Variants in NUDT11 observed in about 807,000 individuals in gnomAD.
NUDT11 encodes the protein diphosphoinositol polyphosphate phosphohydrolase 3-beta.
NUDT11 carries 1 observed loss-of-function variant against 10.0 expected under a neutral mutation model. The observed-to-expected ratio is 0.10, with a 90% CI of 0.04 to 0.47. NUDT11 has a LOEUF of 0.47. NUDT11 is among the 20% of genes least tolerant of loss of function. NUDT11 has a pLI of 0.96. For synonymous variants in NUDT11, 63 were observed against 65.9 expected, an observed-to-expected ratio of 0.96 and a Z score of 0.21; for missense variants, 47 against 140.4, an observed-to-expected ratio of 0.33 and a Z score of 3.36.
At chrX:51,493,933 A>G (rs1557326411) in intron 1 of NUDT11, among the ~76,000 whole-genome samples, 1 of 111,911 alleles carries the variant, frequency 8.9e-6, no homozygotes, top group Non-Finnish European at 1.9e-5. Flanking sequence ...TAATCGTGAC[A>G]GTGTTTCATG....
Position 51,496,591 on chromosome X carries a change from C to T in NUDT11, c.-147G>A. ...GGCGGGGAAAGAGAGGCGCCTCCGT[C>T]TGCCCGCGAGCCCGGGGAGCGGAGG... On this transcript the variant is annotated 5_prime_UTR_variant, in exon 1 of 2. Coordinates refer to ENST00000375992, the MANE Select transcript of NUDT11 (RefSeq NM_018159.4). The T allele has an allele frequency of 4.0e-6, 4 of 1,006,207 alleles. No homozygotes were observed. Among genetic ancestry groups the T allele is most frequent in the Non-Finnish European group, 3.9e-6 (3 of 760,011 alleles). 82.9% of individuals were successfully genotyped at this position (1,006,207 alleles called of 1,213,427 possible). A position where few individuals can be genotyped will look rare whatever the true frequency, so the allele number is the denominator to read the frequency against.
intron 1 of NUDT11, among the ~76,000 whole-genome samples, chrX:51,494,718 G>A (rs1281310150): frequency 2.7e-5 from 3 of 111,376 alleles, no homozygotes; most frequent in Non-Finnish European, 5.7e-5. Context: ...TGGATTACAG[G>A]CAACGTTAAG....
chrX:51,491,823 C>T (rs1260777648), intron 1 of NUDT11, 74 bp from the exon 2 acceptor site: 1 of 566,554 alleles, frequency 1.8e-6, no homozygotes, highest in African/African-American at 2.2e-5. Flanking sequence ...GTACCAAGAG[C>T]TTATTATGTA....
chrX:51,495,859 A>G, intron 1 of NUDT11, 92 bp downstream of exon 1: 6 of 1,136,853 alleles, frequency 5.3e-6, no homozygotes, highest in Non-Finnish European at 7.0e-6. Flanking sequence ...CCTCCCCGTG[A>G]GACCGCACAT....
chrX:51,491,716 T>C lies in NUDT11; in HGVS notation c.*33A>G, dbSNP rs1174917851. 3.5e-6 allele frequency: 2 copies of C among 570,868 alleles called. No homozygotes were observed. Among genetic ancestry groups the C allele is most frequent in the Non-Finnish European group, 6.5e-6 (2 of 309,447 alleles). 47.0% of individuals were successfully genotyped at this position (570,868 alleles called of 1,213,427 possible). A position where few individuals can be genotyped will look rare whatever the true frequency, so the allele number is the denominator to read the frequency against. On this transcript the variant is annotated 3_prime_UTR_variant, in exon 2 of 2. Coordinates refer to ENST00000375992, the MANE Select transcript of NUDT11 (RefSeq NM_018159.4). ...ATCACTGGGTTCACATCAATGTTTC[T>C]TTCAGCACAATACTGAACATCTTTG...
At position 51,496,176 on chromosome X, in the gene NUDT11, T is replaced by C. The variant is rs1557326647; in HGVS notation, c.269A>G (p.Lys90Arg). The C allele has an allele frequency of 5.0e-6, 6 of 1,211,821 alleles. No homozygotes were observed. The Admixed American group carries it at 1.1e-4, about 22-fold the overall frequency. ...CAGTACATACACGTACGTTCTGTGC[T>C]TGCGATCCTGGTTCTGTTCGAAGAC... ...LGVFEQNQDR[K>R]HRTYVYVLTV... The change falls in exon 1 of 2, where the codon AAG becomes AGG. Residue 90 changes from lysine (K) to arginine (R), a missense_variant. Transcript: ENST00000375992.
intron 1 of NUDT11, among the ~76,000 whole-genome samples, chrX:51,494,902 C>T (rs1925667510): frequency 8.9e-6 from 1 of 111,861 alleles, no homozygotes; most frequent in South Asian, 3.7e-4. Flanking sequence ...ATAAAAGATT[C>T]CATTCCTGTG....
chrX:51,491,811 A>C (rs976285565), intron 1 of NUDT11, 62 bp from the exon 2 acceptor site: 2 of 569,722 alleles, frequency 3.5e-6, no homozygotes, highest in Non-Finnish European at 6.5e-6. Flanking sequence ...CAACTGACAA[A>C]TGTACCAAGA....
chrX:51,496,179 C>G lies in NUDT11; in HGVS notation c.266G>C (p.Arg89Pro), dbSNP rs199633559. The change falls in exon 1 of 2, where the codon CGC becomes CCC. Residue 89 changes from arginine to proline, a missense_variant. Physicochemically the swap from Arg to Pro is moderately radical, Grantham distance 103 (BLOSUM62 -2). Transcript: ENST00000375992. ...TACATACACGTACGTTCTGTGCTTG[C>G]GATCCTGGTTCTGTTCGAAGACGCC... ...LLGVFEQNQD[R>P]KHRTYVYVLT... 2.1e-5 allele frequency: 26 copies of G among 1,209,827 alleles called. No individual in the cohort carries two copies. The highest frequency in any genetic ancestry group is 7.0e-5 in the South Asian group (4 of 56,753).
chrX:51,495,744 G>C (rs1925686640), intron 1 of NUDT11, among the ~76,000 whole-genome samples: 1 of 111,096 alleles, frequency 9.0e-6, no homozygotes, highest in Non-Finnish European at 1.9e-5. Context: ...GATTTTGAAA[G>C]CATCTGAAAA....
chrX:51,492,068 T>C (rs782727237), intron 1 of NUDT11, among the ~76,000 whole-genome samples: 128 of 112,042 alleles, frequency 1.1e-3, no homozygotes, highest in South Asian at 3.0e-3. Context: ...TCAGGCTGAT[T>C]CCCACCCACG....
intron 1 of NUDT11, among the ~76,000 whole-genome samples, chrX:51,493,463 T>C (rs1557326371): frequency 8.9e-6 from 1 of 112,160 alleles, no homozygotes; most frequent in African/African-American, 3.2e-5. Flanking sequence ...ATTTTCTATA[T>C]ACTACCTCTG....
rs782312932 is a variant in NUDT11, at chrX:51,496,382, C to T, written c.63G>A (p.Ala21=). 3.3e-6 allele frequency: 4 copies of T among 1,209,901 alleles called. No homozygotes were observed. Among genetic ancestry groups the T allele is most frequent in the Non-Finnish European group, 4.5e-6 (4 of 894,850 alleles). The change falls in exon 1 of 2, where the codon GCG becomes GCA. Residue 21 remains alanine, a synonymous_variant. Coordinates refer to ENST00000375992, the MANE Select transcript of NUDT11 (RefSeq NM_018159.4). ...YDPEGFKKRA[A]CLCFRSERED... Reference sequence around the variant, plus strand: ...CGCGTTCGCTCCGGAAGCACAGGCACGCCGCCCGCTTCTTGAACCCCTCGG... The same window carrying T: ...CGCGTTCGCTCCGGAAGCACAGGCATGCCGCCCGCTTCTTGAACCCCTCGG...
chrX:51,494,354 A>T, intron 1 of NUDT11, among the ~76,000 whole-genome samples: 1 of 112,212 alleles, frequency 8.9e-6, no homozygotes. Context: ...AAAAAGCCAC[A>T]ATTTCTAGTT....
rs1925578752 is a variant in NUDT11, at chrX:51,490,870, A to G, written c.*879T>C. ...TATAGCCTGTTGGCTCTGGCATCAA[A>G]TAATACAGTATGTTAAATCTGTAAA... is the stretch of plus-strand genomic sequence containing the variant. On this transcript the variant is annotated 3_prime_UTR_variant, in exon 2 of 2. Coordinates refer to ENST00000375992, the MANE Select transcript of NUDT11 (RefSeq NM_018159.4). The G allele has an allele frequency of 8.9e-6, 1 of 112,331 alleles. No homozygotes were observed. The highest frequency in any genetic ancestry group is 3.2e-5 in the African/African-American group (1 of 30,925). The allele number at this position is 112,331 out of a possible 1,213,427, so 9.3% of individuals were successfully genotyped here.
At chrX:51,495,882 G>A in intron 1 of NUDT11, 69 bp downstream of exon 1, 1 of 1,176,055 alleles carries the variant, frequency 8.5e-7, no homozygotes, top group Non-Finnish European at 1.1e-6. Flanking sequence ...CACGAGAGGT[G>A]CTCCAGGCGG....
intron 1 of NUDT11, among the ~76,000 whole-genome samples, chrX:51,494,814 G>T (rs187706034): frequency 8.9e-6 from 1 of 112,097 alleles, no homozygotes; most frequent in Non-Finnish European, 1.9e-5. Context: ...AAGAGAGATT[G>T]TTCAGGAATC....
intron 1 of NUDT11, 130 bp downstream of exon 1, chrX:51,495,821 C>A: frequency 1.0e-6 from 1 of 994,426 alleles, no homozygotes. Context: ...TTCAGAGGGT[C>A]TGCCAAGGAA....
chrX:51,492,219 A>G (rs1010864565), intron 1 of NUDT11, among the ~76,000 whole-genome samples: 23 of 111,697 alleles, frequency 2.1e-4, no homozygotes, highest in African/African-American at 5.2e-4. Flanking sequence ...TAAAGTGTCT[A>G]TTTTTACTAT....
Sources: allele counts gnomAD v4.1 joint callset (sites outside exome capture counted in the v4.1 genomes callset), GRCh38; gene constraint gnomAD v4.1.1; transcripts MANE v1.5; gene names NCBI Gene and HGNC (gene_info 2026-07-23, HGNC 2026-07-21).